The following ATP2C1 variants were observed in gnomAD, a reference collection of about 807,000 sequenced individuals.
ATP2C1 encodes calcium-transporting ATPase type 2C member 1.
A neutral mutation model predicts 120.5 loss-of-function variants in ATP2C1; 31 were observed. The ratio of observed to expected loss-of-function variants is 0.26; its 90% confidence interval spans 0.19 to 0.35. The LOEUF (loss-of-function observed/expected upper bound fraction) is 0.35. Among genes scored for constraint, ATP2C1 ranks in the 10% least tolerant of loss-of-function variants. The probability of loss-of-function intolerance (pLI) is 1.00; values close to 1 mark genes in which losing one functional copy is unlikely to be tolerated. For synonymous variants in ATP2C1, 351 were observed against 358.7 expected, an observed-to-expected ratio of 0.98 and a Z score of 0.24; for missense variants, 731 against 1,107.5, an observed-to-expected ratio of 0.66 and a Z score of 4.83.
At chr3:130,905,354 CT>C (rs2058074531) in intron 2 of ATP2C1, among the ~76,000 whole-genome samples, 1 of 151,980 alleles carries the variant, frequency 6.6e-6, no homozygotes, top group South Asian at 2.1e-4. Context: ...CCATTTTGGT[CT>C]TTTTTCCTGT....
intron 26 of ATP2C1, chr3:131,014,359 G>A: frequency 2.5e-6 from 4 of 1,607,774 alleles, no homozygotes; most frequent in Non-Finnish European, 3.4e-6. Flanking sequence ...TGCTGGCATA[G>A]TCCGTGCACC....
At chr3:130,949,414 G>C (rs1195028627) in intron 8 of ATP2C1, among the ~76,000 whole-genome samples, 1 of 152,134 alleles carries the variant, frequency 6.6e-6, no homozygotes, top group Non-Finnish European at 1.5e-5. Context: ...TGAAGGCCGA[G>C]AGAAGTGAGG....
At position 130,942,448 on chromosome 3, in the gene ATP2C1, C is replaced by T. The variant is rs76426256; in HGVS notation, c.531+749C>T. 9.3e-3 allele frequency among the ~76,000 whole-genome samples: 1,416 copies of T among 152,256 alleles called. 26 individuals carry two copies. The highest frequency in any genetic ancestry group is 0.071 in the East Asian group (367 of 5,182). The stretch of plus-strand genomic sequence containing the variant: ...CACCTAGTTTAACAGGCTTTCAAAA[C>T]CCATTAGTATGCAGGTCTTATCCAC... On this transcript the variant is annotated intron_variant, in intron 8 of 27. Coordinates refer to ENST00000510168, the MANE Select transcript of ATP2C1 (RefSeq NM_001378687.1).
chr3:130,999,974 A>G (rs2062811077), intron 27 of ATP2C1, among the ~76,000 whole-genome samples: 1 of 152,184 alleles, frequency 6.6e-6, no homozygotes, highest in Admixed American at 6.5e-5. Context: ...GTATGAAGAG[A>G]AAACTAGACT....
intron 2 of ATP2C1, among the ~76,000 whole-genome samples, chr3:130,913,952 C>T (rs1285815643): frequency 6.6e-6 from 1 of 152,062 alleles, no homozygotes; most frequent in Non-Finnish European, 1.5e-5. Flanking sequence ...AAAAATAATG[C>T]CCTCTTCAGA....
intron 2 of ATP2C1, among the ~76,000 whole-genome samples, chr3:130,914,818 A>G (rs2108170756): frequency 6.6e-6 from 1 of 152,220 alleles, no homozygotes; most frequent in East Asian, 1.9e-4. Flanking sequence ...CTACCCCATA[A>G]CATACCTTGA....
intron 1 of ATP2C1, among the ~76,000 whole-genome samples, chr3:130,851,756 G>A (rs564045846): frequency 6.6e-6 from 1 of 152,260 alleles, no homozygotes; most frequent in South Asian, 2.1e-4. Flanking sequence ...CAAATGTGAA[G>A]GACAAATGTA....
At chr3:130,857,533 C>A (rs1279223477) in intron 1 of ATP2C1, among the ~76,000 whole-genome samples, 1 of 152,208 alleles carries the variant, frequency 6.6e-6, no homozygotes, top group Admixed American at 6.5e-5. Context: ...TTACTTCTTG[C>A]CTGAAATACT....
At chr3:130,995,940 C>T (rs976573934) in intron 22 of ATP2C1, 103 bp from the exon 23 acceptor site, 18 of 841,236 alleles carry the variant, frequency 2.1e-5, no homozygotes, top group African/African-American at 1.5e-4. Context: ...CCACAGTGCC[C>T]GGTTGGAAAT....
In ATP2C1 at chr3:130,956,119, C is replaced by T. The variant is rs1163472318; in HGVS notation, c.772C>T (p.Leu258=). Residue 258 remains leucine (L), a synonymous_variant, in exon 11 of 28, where the codon CTG becomes TTG. Coordinates refer to ENST00000510168, the MANE Select transcript of ATP2C1 (RefSeq NM_001378687.1). The part of the protein sequence containing the change: ...MQAEEAPKTP[L]QKSMDLLGKQ... ...ATTTATCAAGGCACCAAAAACCCCT[C>T]TGCAGAAGAGCATGGACCTCTTAGG... The T allele has an allele frequency of 6.2e-7, 1 of 1,610,236 alleles. No homozygotes were observed. The highest frequency in any genetic ancestry group is 8.5e-7 in the Non-Finnish European group (1 of 1,176,802).
chr3:130,938,452 T>C (rs2059761616), intron 6 of ATP2C1, among the ~76,000 whole-genome samples: 1 of 152,244 alleles, frequency 6.6e-6, no homozygotes, highest in Non-Finnish European at 1.5e-5. Flanking sequence ...CTACGATTTA[T>C]TACGTGGGTA....
chr3:131,002,025 T>C lies in ATP2C1; in HGVS notation c.*675T>C. ...GTAAATGGTTGCTTTATTTTTATTT[T>C]AAAAAGGTATGTCTTTGGTTTGGCA... On this transcript the variant is annotated 3_prime_UTR_variant, in exon 28 of 28. Transcript: ENST00000510168. 1.0e-6 allele frequency: 1 copy of C among 984,938 alleles called. No individual in the cohort carries two copies. Among genetic ancestry groups the C allele is most frequent in the Non-Finnish European group, 1.2e-6 (1 of 829,096 alleles). The allele number at this position is 984,938 out of a possible 1,614,324, so 61.0% of individuals were successfully genotyped here.
rs551807988 is a variant in ATP2C1 at position 130,953,758 on chromosome 3, T to C, written c.532-63T>C. ...TTTGAGGAAGAAGTGATGATGGTTATGAACTCTAGAGATGTTAAATGTAGC... is the reference window on the plus strand; with the variant it reads ...TTTGAGGAAGAAGTGATGATGGTTACGAACTCTAGAGATGTTAAATGTAGC... On this transcript the variant is annotated intron_variant, in intron 8 of 27. Transcript: ENST00000510168. 3.2e-6 allele frequency: 5 copies of C among 1,546,292 alleles called. No homozygotes were observed. In the East Asian group the frequency reaches 1.1e-4, roughly 35 times the overall value.
At chr3:130,907,748 A>G (rs921658171) in intron 2 of ATP2C1, among the ~76,000 whole-genome samples, 7 of 141,712 alleles carry the variant, frequency 4.9e-5, no homozygotes, top group Non-Finnish European at 9.2e-5. Context: ...TTTTTTTCAG[A>G]TTGTTTTGTC....
intron 1 of ATP2C1, among the ~76,000 whole-genome samples, chr3:130,860,226 T>A (rs2067971852): frequency 6.6e-6 from 1 of 152,214 alleles, no homozygotes; most frequent in Admixed American, 6.5e-5. Context: ...CATCTACACT[T>A]CGTTAGCTTT....
At position 130,930,435 on chromosome 3, in the gene ATP2C1, T is replaced by C; in HGVS notation, c.26T>C (p.Ile9Thr). The C allele has an allele frequency of 3.7e-6, 6 of 1,612,274 alleles. No homozygotes were observed. The highest frequency in any genetic ancestry group is 5.1e-6 in the Non-Finnish European group (6 of 1,178,384). The change falls in exon 3 of 28, where the codon ATA becomes ACA. Residue 9 changes from isoleucine (I) to threonine (T), a missense_variant. By Grantham distance (89) the Ile-to-Thr change is moderately conservative. Coordinates refer to ENST00000510168, the MANE Select transcript of ATP2C1 (RefSeq NM_001378687.1). ...TCCTAGGTTGCACGTTTTCAAAAAA[T>C]ACCTAATGGTGAAAATGAGACAATG... MKVARFQK[I>T]PNGENETMIP... is the part of the protein sequence containing the mutation.
At chr3:130,940,905 ATTTTTT>A (rs749879416) in intron 7 of ATP2C1, among the ~76,000 whole-genome samples, 1 of 86,072 alleles carries the variant, frequency 1.2e-5, no homozygotes, top group Non-Finnish European at 2.2e-5. Flanking sequence ...TATTTAACAG[ATTTTTT>A]TTTTTTTTTT....
At chr3:130,884,930 C>CT (rs35931105) in intron 1 of ATP2C1, among the ~76,000 whole-genome samples, 6,319 of 120,812 alleles carry the variant, frequency 0.052, 238 homozygotes, top group African/African-American at 0.061. Context: ...TCTTTTCTTT[C>CT]TTTTTTTTTT....
intron 20 of ATP2C1, among the ~76,000 whole-genome samples, chr3:130,990,048 C>G (rs1377467694): frequency 2.0e-5 from 3 of 152,126 alleles, no homozygotes; most frequent in African/African-American, 7.2e-5. Flanking sequence ...TGTGATATTA[C>G]AGTGCAGCTG....
Sources: allele counts gnomAD v4.1 joint callset (sites outside exome capture counted in the v4.1 genomes callset), GRCh38; gene constraint gnomAD v4.1.1; transcripts MANE v1.5; gene names NCBI Gene and HGNC (gene_info 2026-07-23, HGNC 2026-07-21).